The following KIF4A variants were observed in gnomAD, a reference collection of about 807,000 sequenced individuals.
KIF4A encodes chromosome-associated kinesin KIF4A.
Under a neutral mutation model 105.9 loss-of-function variants are expected in KIF4A, and 7 were observed. The ratio of observed to expected loss-of-function variants is 0.07; its 90% CI spans 0.04 to 0.12. KIF4A has a LOEUF of 0.12. KIF4A is among the 10% of genes least tolerant of loss of function. The pLI, the probability that KIF4A is intolerant of heterozygous loss-of-function variation, is 1.00. For synonymous variants in KIF4A, 281 were observed against 331.3 expected, an observed-to-expected ratio of 0.85 and a Z score of 1.65; for missense variants, 558 against 929.2, an observed-to-expected ratio of 0.60 and a Z score of 5.19.
intron 15 of KIF4A, among the ~76,000 whole-genome samples, chrX:70,371,768 G>A (rs1446171675): frequency 9.2e-6 from 1 of 108,781 alleles, no homozygotes; most frequent in Non-Finnish European, 1.9e-5. Flanking sequence ...CTTCCCAGAC[G>A]GGGTGGCTGC....
At chrX:70,356,247 A>G (rs1424948815) in intron 15 of KIF4A, among the ~76,000 whole-genome samples, 1 of 109,468 alleles carries the variant, frequency 9.1e-6, no homozygotes, top group Admixed American at 9.7e-5. Context: ...CACCACTGCA[A>G]TCCAGCCTGA....
At chrX:70,313,424 G>A (rs1299762365) in intron 7 of KIF4A, among the ~76,000 whole-genome samples, 2 of 110,658 alleles carry the variant, frequency 1.8e-5, no homozygotes, top group East Asian at 5.6e-4. Flanking sequence ...AAACTGCTTA[G>A]GGATGATGTT....
At chrX:70,386,595 A>G in intron 18 of KIF4A, 23 bp from the exon 19 acceptor site, 1 of 1,138,795 alleles carries the variant, frequency 8.8e-7, no homozygotes, top group East Asian at 3.0e-5. Flanking sequence ...ACAGCAATTA[A>G]TATCTGACTT....
At chrX:70,363,001 C>T (rs2086083063) in intron 15 of KIF4A, among the ~76,000 whole-genome samples, 1 of 111,345 alleles carries the variant, frequency 9.0e-6, no homozygotes, top group Non-Finnish European at 1.9e-5. Flanking sequence ...TAGCTCACTA[C>T]AGCCTTGACT....
At chrX:70,299,308 C>A in intron 5 of KIF4A, 106 bp downstream of exon 5, 1 of 591,186 alleles carries the variant, frequency 1.7e-6, no homozygotes, top group African/African-American at 2.3e-5. Flanking sequence ...CTACTATCAT[C>A]TCAGTCAGGT....
chrX:70,302,483 G>T, intron 7 of KIF4A, 85 bp downstream of exon 7: 1 of 921,478 alleles, frequency 1.1e-6, no homozygotes, highest in East Asian at 3.2e-5. Context: ...ACTGGGATTT[G>T]AGATCACATT....
At chrX:70,373,518 GTGTATGTATATATATATA>G (rs1320036529) in intron 15 of KIF4A, among the ~76,000 whole-genome samples, 948 of 6,945 alleles carry the variant, frequency 0.14, 214 homozygotes, top group African/African-American at 0.49. Context: ...ATACATGTGT[GTGTATGTATATATATATA>G]TATATATATA....
At position 70,290,164 on chromosome X, in the gene KIF4A, G is replaced by T. The variant is rs964957949; in HGVS notation, c.-22+14G>T. ...ACATTTAGTTTGGTGAGTTACGGGG[G>T]CACACCTTAGCTCAGAACCTGTTTT... On this transcript the variant is annotated intron_variant, in intron 1 of 30. Transcript: ENST00000374403. 9.7e-5 allele frequency: 23 copies of T among 238,291 alleles called. No homozygotes were observed. The highest frequency in any genetic ancestry group is 6.5e-4 in the African/African-American group (23 of 35,355). The allele number at this position is 238,291 out of a possible 1,213,427, so 19.6% of individuals were successfully genotyped here.
chrX:70,344,940 A>G (rs2085986529), intron 13 of KIF4A, among the ~76,000 whole-genome samples: 1 of 111,939 alleles, frequency 8.9e-6, no homozygotes, highest in Non-Finnish European at 1.9e-5. Context: ...AAACTCCCCA[A>G]AGACTATTAG....
In KIF4A at chrX:70,404,833, G is replaced by A. The variant is rs748216873; in HGVS notation, c.2898+11G>A. ...ACACTGAAGTGTCAGGTATGATCAC[G>A]AGAGGTCTCCAGAGATGAGTTTCAC... is the stretch of plus-strand genomic sequence containing the variant. On this transcript the variant is annotated intron_variant, in intron 25 of 30. Transcript: ENST00000374403. The A allele has an allele frequency of 3.6e-6, 4 of 1,103,810 alleles. No individual in the cohort carries two copies. The highest frequency in any genetic ancestry group is 1.9e-5 in the South Asian group (1 of 51,628). 91.0% of individuals were successfully genotyped at this position (1,103,810 alleles called of 1,213,427 possible). A position where few individuals can be genotyped will look rare whatever the true frequency, so the allele number is the denominator to read the frequency against.
At chrX:70,387,589 C>T (rs1050980661) in intron 20 of KIF4A, among the ~76,000 whole-genome samples, 1 of 111,670 alleles carries the variant, frequency 9.0e-6, no homozygotes, top group Admixed American at 9.6e-5. Flanking sequence ...ACAATTTGGC[C>T]GGGCATGGTG....
rs865924045 is a variant in KIF4A at position 70,373,535 on chromosome X, T to C, written c.1675-616T>C. Among the ~76,000 whole-genome samples, 139 of 33,603 alleles carry C rather than the reference T, an allele frequency of 4.1e-3. 18 individuals carry two copies. Among genetic ancestry groups the C allele is most frequent in the Non-Finnish European group, 5.3e-3 (125 of 23,736 alleles). The allele number at this position is 33,603 out of a possible 115,157, so 29.2% of individuals were successfully genotyped here. ...ACATGTGTGTGTATGTATATATATA[T>C]ATATATATATATATATATATACGTA... On this transcript the variant is annotated intron_variant, in intron 15 of 30. Coordinates refer to ENST00000374403, the MANE Select transcript of KIF4A (RefSeq NM_012310.5).
intron 28 of KIF4A, among the ~76,000 whole-genome samples, chrX:70,415,155 T>C (rs367834815): frequency 8.9e-6 from 1 of 112,406 alleles, no homozygotes; most frequent in African/African-American, 3.2e-5. Context: ...GCCTTGTTTA[T>C]AAGAATGGAA....
chrX:70,374,627 G>T (rs1360816276), intron 16 of KIF4A, among the ~76,000 whole-genome samples: 1 of 111,599 alleles, frequency 9.0e-6, no homozygotes, highest in African/African-American at 3.3e-5. Context: ...CAGTTTCTTT[G>T]TCCCTGCACT....
intron 4 of KIF4A, among the ~76,000 whole-genome samples, chrX:70,298,523 G>C (rs1251492132): frequency 7.2e-5 from 8 of 111,606 alleles, no homozygotes; most frequent in Non-Finnish European, 1.5e-4. Flanking sequence ...GTGAGTGACT[G>C]TGCTCAGCTA....
chrX:70,374,536 C>A (rs1031833786), intron 16 of KIF4A, among the ~76,000 whole-genome samples: 4 of 111,723 alleles, frequency 3.6e-5, no homozygotes, highest in Admixed American at 1.9e-4. Flanking sequence ...TCAATTCAGG[C>A]TACCATGATC....
In KIF4A at chrX:70,348,071, C is replaced by G. The variant is rs143813103; in HGVS notation, c.1431+4089C>G. On this transcript the variant is annotated intron_variant, in intron 13 of 30. Coordinates refer to ENST00000374403, the MANE Select transcript of KIF4A (RefSeq NM_012310.5). ...AAGGATGTGGGAATACTGAAGCTTCCTTTAAATTCTCTTTGAGCCTCACTG... is the reference window on the plus strand; with the variant it reads ...AAGGATGTGGGAATACTGAAGCTTCGTTTAAATTCTCTTTGAGCCTCACTG... 1.8e-3 allele frequency among the ~76,000 whole-genome samples: 198 copies of G among 108,302 alleles called. 5 individuals carry two copies. The East Asian group carries it at 0.045, about 25-fold the overall frequency. The allele number at this position is 108,302 out of a possible 115,157, so 94.0% of individuals were successfully genotyped here.
chrX:70,398,067 TCTCA>T (rs1569251410), intron 22 of KIF4A, among the ~76,000 whole-genome samples: 1 of 112,313 alleles, frequency 8.9e-6, no homozygotes. Context: ...TGAGACAAAG[TCTCA>T]CTCTTGCCCA....
chrX:70,294,610 C>T (rs1483945192), intron 3 of KIF4A, among the ~76,000 whole-genome samples: 1 of 112,464 alleles, frequency 8.9e-6, no homozygotes, highest in Admixed American at 9.4e-5. Flanking sequence ...TTTTCACCAT[C>T]GTGTATACAT....
Sources: gnomAD v4.1 joint callset for allele counts (sites outside exome capture counted in the v4.1 genomes callset) on GRCh38, gnomAD v4.1.1 for gene constraint, MANE v1.5 for transcripts, NCBI Gene and HGNC (gene_info 2026-07-23, HGNC 2026-07-21) for gene names.